Variants in SNTG1 observed in about 807,000 individuals in gnomAD.
SNTG1 encodes the protein syntrophin gamma 1.
SNTG1 carries 39 observed loss-of-function variants against 74.7 expected under a neutral mutation model. The observed-to-expected ratio is 0.52, with a 90% confidence interval of 0.40 to 0.68. The LOEUF (loss-of-function observed/expected upper bound fraction) is 0.68. Ranked by LOEUF, SNTG1 falls within the 30% of genes least tolerant of loss-of-function variation. The pLI is 0.00. For synonymous variants in SNTG1, 254 were observed against 217.1 expected (o/e 1.17, Z -1.49); for missense variants, 685 against 609.5 (o/e 1.12, Z -1.30).
At chr8:50,098,656 G>A (rs721442) in intron 1 of SNTG1, among the ~76,000 whole-genome samples, 131 of 152,196 alleles carry the variant, frequency 8.6e-4, no homozygotes, top group African/African-American at 3.1e-3. Flanking sequence ...AGAAAGCATG[G>A]GTTTAGAATT....
At chr8:50,183,697 T>C (rs1489051723) in intron 2 of SNTG1, among the ~76,000 whole-genome samples, 1 of 152,176 alleles carries the variant, frequency 6.6e-6, no homozygotes, top group Admixed American at 6.5e-5. Flanking sequence ...TAGCAAAATA[T>C]GACTCAAAGA....
chr8:50,245,669 T>TA (rs1301123639), intron 2 of SNTG1, among the ~76,000 whole-genome samples: 2 of 151,816 alleles, frequency 1.3e-5, no homozygotes, highest in Non-Finnish European at 2.9e-5. Context: ...AGTGGCAGAG[T>TA]AAGAGTCCAT....
At position 50,449,714 on chromosome 8, in the gene SNTG1, A is replaced by G. The variant is rs1414542721; in HGVS notation, c.266A>G (p.Lys89Arg). 1.3e-6 allele frequency: 2 copies of G among 1,596,778 alleles called. No homozygotes were observed. The highest frequency in any genetic ancestry group is 2.3e-5 in the East Asian group (1 of 44,386). The change falls in exon 6 of 19, where the codon AAG becomes AGG. Residue 89 changes from lysine (K) to arginine (R), a missense_variant. By Grantham distance (26) the Lys-to-Arg change is conservative. Transcript: ENST00000642720. ...NIPVVVSKISKEQRAELSGLL... is the reference protein window; with the variant it reads ...NIPVVVSKISREQRAELSGLL... ...CCAGTTGTCGTTTCAAAAATCTCCA[A>G]GGAACAAAGAGGTAATATGTTTAGA...
At chr8:50,398,311 G>A (rs1231446834) in intron 3 of SNTG1, among the ~76,000 whole-genome samples, 1 of 152,204 alleles carries the variant, frequency 6.6e-6, no homozygotes, top group Non-Finnish European at 1.5e-5. Context: ...CAGGGCGTTA[G>A]CACGCCTGGT....
chr8:50,353,729 A>G (rs886239969), intron 2 of SNTG1, among the ~76,000 whole-genome samples: 1 of 152,182 alleles, frequency 6.6e-6, no homozygotes, highest in Non-Finnish European at 1.5e-5. Flanking sequence ...ATTTCTTTTC[A>G]TTCATACAAG....
intron 12 of SNTG1, among the ~76,000 whole-genome samples, chr8:50,582,690 T>C (rs2094618812): frequency 6.6e-6 from 1 of 152,136 alleles, no homozygotes; most frequent in Non-Finnish European, 1.5e-5. Context: ...TTTTTTTTAT[T>C]GAATAAGTCT....
At chr8:50,261,028 G>C (rs2087166315) in intron 2 of SNTG1, among the ~76,000 whole-genome samples, 1 of 152,148 alleles carries the variant, frequency 6.6e-6, no homozygotes. Flanking sequence ...TAATTTCACA[G>C]AGCAGACTAC....
intron 4 of SNTG1, among the ~76,000 whole-genome samples, chr8:50,409,871 G>A (rs1037424551): frequency 6.6e-6 from 1 of 152,132 alleles, no homozygotes; most frequent in African/African-American, 2.4e-5. Flanking sequence ...AAAAAGATAC[G>A]AAAACCATGA....
At chr8:50,216,137 A>G (rs996850538) in intron 2 of SNTG1, among the ~76,000 whole-genome samples, 6 of 152,034 alleles carry the variant, frequency 3.9e-5, no homozygotes, top group African/African-American at 1.4e-4. Context: ...GGGTCAGCTG[A>G]TTTGGCTGGC....
At chr8:50,583,714 C>CTT (rs113770321) in intron 12 of SNTG1, among the ~76,000 whole-genome samples, 1 of 143,616 alleles carries the variant, frequency 7.0e-6, no homozygotes, top group Non-Finnish European at 1.5e-5. Context: ...AAATGCTGAG[C>CTT]TTTTTTTTTT....
intron 1 of SNTG1, among the ~76,000 whole-genome samples, chr8:50,138,729 G>A (rs1300107294): frequency 1.3e-5 from 2 of 151,372 alleles, no homozygotes; most frequent in African/African-American, 4.8e-5. Context: ...ATACTGGCTG[G>A]TGAGTGCCAT....
At chr8:50,226,987 A>T (rs1437586780) in intron 2 of SNTG1, among the ~76,000 whole-genome samples, 1 of 152,224 alleles carries the variant, frequency 6.6e-6, no homozygotes, top group African/African-American at 2.4e-5. Context: ...TTGAGGGGAA[A>T]GTTTGATTTC....
intron 1 of SNTG1, among the ~76,000 whole-genome samples, chr8:49,970,497 T>G (rs940567962): frequency 6.6e-6 from 1 of 152,202 alleles, no homozygotes; most frequent in Non-Finnish European, 1.5e-5. Flanking sequence ...TTTAGATTAT[T>G]GTTTCTTCCC....
intron 2 of SNTG1, among the ~76,000 whole-genome samples, chr8:50,346,342 T>G (rs2130968521): frequency 6.6e-6 from 1 of 152,304 alleles, no homozygotes; most frequent in South Asian, 2.1e-4. Context: ...CTGGTGGGAT[T>G]TTTTCAAGTG....
chr8:50,576,974 G>A lies in SNTG1; in HGVS notation c.811-13905G>A, dbSNP rs116106083. On this transcript the variant is annotated intron_variant, in intron 12 of 18. Coordinates refer to ENST00000642720, the MANE Select transcript of SNTG1 (RefSeq NM_018967.5). ...TTTCTTGCTTAATTACAGCTGCTAG[G>A]ACTTGAAGTACTGTGTCAAATAATA... Among the ~76,000 whole-genome samples the A allele has an allele frequency of 6.9e-3, 1,054 of 152,046 alleles. 17 individuals carry two copies. Among genetic ancestry groups the A allele is most frequent in the African/African-American group, 0.024 (1,009 of 41,494 alleles).
chr8:49,947,441 A>C (rs138462733), intron 1 of SNTG1, among the ~76,000 whole-genome samples: 122 of 152,324 alleles, frequency 8.0e-4, no homozygotes, highest in Non-Finnish European at 1.3e-3. Context: ...TGTTGTCACC[A>C]CTATCTTTAT....
intron 8 of SNTG1, among the ~76,000 whole-genome samples, chr8:50,487,696 A>AC (rs2093810137): frequency 7.1e-6 from 1 of 140,530 alleles, no homozygotes; most frequent in Non-Finnish European, 1.5e-5. Flanking sequence ...GTGGGGTCGG[A>AC]GGGGGGGGAG....
At chr8:49,967,097 C>T (rs926011974) in intron 1 of SNTG1, among the ~76,000 whole-genome samples, 6 of 152,156 alleles carry the variant, frequency 3.9e-5, no homozygotes, top group African/African-American at 1.4e-4. Context: ...CAGGCATTGT[C>T]CCAAGGGCGT....
chr8:50,518,763 C>T (rs310568), intron 9 of SNTG1, among the ~76,000 whole-genome samples: 20,926 of 151,936 alleles, frequency 0.14, 1,528 homozygotes, highest in African/African-American at 0.18. Context: ...AGGAGGATGT[C>T]GAATCCTTGA....
Sources: allele counts gnomAD v4.1 joint callset (sites outside exome capture counted in the v4.1 genomes callset), GRCh38; gene constraint gnomAD v4.1.1; transcripts MANE v1.5; gene names NCBI Gene and HGNC (gene_info 2026-07-23, HGNC 2026-07-21).